Variants in ZNF429 observed in about 807,000 individuals in gnomAD.
The protein encoded by ZNF429 is zinc finger protein 429.
ZNF429 carries 53 observed loss-of-function variants against 56.8 expected under a neutral mutation model. That is an observed-to-expected ratio of 0.93 (90% CI 0.75 to 1.17). The LOEUF is 1.17. Among genes scored for constraint, ZNF429 ranks in the 50% most tolerant of loss-of-function variants. The probability of loss-of-function intolerance (pLI) is 0.00; values close to 1 mark genes in which losing one functional copy is unlikely to be tolerated. For synonymous variants in ZNF429, 278 were observed against 264.7 expected (o/e 1.05, Z -0.49); for missense variants, 849 against 788.4 (o/e 1.08, Z -0.92).
At chr19:21,531,129 AC>A in intron 3 of ZNF429, among the ~76,000 whole-genome samples, 6 of 94,594 alleles carry the variant, frequency 6.3e-5, no homozygotes, top group Non-Finnish European at 1.4e-4. Context: ...AAAAAAAAAA[AC>A]CAAAAAAAAA....
At chr19:21,517,827 T>C (rs934158718) in intron 1 of ZNF429, among the ~76,000 whole-genome samples, 1 of 149,854 alleles carries the variant, frequency 6.7e-6, no homozygotes, top group Non-Finnish European at 1.5e-5. Flanking sequence ...GGAGTCTTGC[T>C]CTGTCACCCA....
At chr19:21,520,563 G>A (rs1475387254) in intron 1 of ZNF429, among the ~76,000 whole-genome samples, 1 of 152,038 alleles carries the variant, frequency 6.6e-6, no homozygotes, top group Non-Finnish European at 1.5e-5. Flanking sequence ...TTTGCTTTGG[G>A]AAAGGTTTTA....
intron 1 of ZNF429, among the ~76,000 whole-genome samples, chr19:21,510,501 G>A (rs1465267587): frequency 1.3e-5 from 2 of 152,154 alleles, no homozygotes; most frequent in African/African-American, 4.8e-5. Context: ...GAAAATAGAG[G>A]AATAAAACAA....
chr19:21,530,276 A>G, intron 2 of ZNF429, among the ~76,000 whole-genome samples: 20 of 151,976 alleles, frequency 1.3e-4, no homozygotes, highest in African/African-American at 4.6e-4. Flanking sequence ...AACTTTCCAT[A>G]TTCCTGAGCT....
intron 3 of ZNF429, 113 bp downstream of exon 3, chr19:21,530,797 T>G: frequency 1.2e-6 from 1 of 840,928 alleles, no homozygotes; most frequent in African/African-American, 1.8e-5. Context: ...AAATATTTTC[T>G]GAAAAACTGT....
chr19:21,515,377 C>T (rs2032692460), intron 1 of ZNF429, among the ~76,000 whole-genome samples: 1 of 151,866 alleles, frequency 6.6e-6, no homozygotes, highest in Admixed American at 6.6e-5. Flanking sequence ...TTGTTAGCCA[C>T]ATGTATATCT....
At chr19:21,514,563 T>A (rs1212125960) in intron 1 of ZNF429, among the ~76,000 whole-genome samples, 1 of 152,178 alleles carries the variant, frequency 6.6e-6, no homozygotes, top group African/African-American at 2.4e-5. Flanking sequence ...TTATATACCA[T>A]GTATATTTTA....
Position 21,535,419 on chromosome 19 carries a change from TCTTTCTTTCTTTCTTTC to T in ZNF429, c.227-860_227-844del. On this transcript the variant is annotated intron_variant, in intron 3 of 3. Transcript: ENST00000358491. The stretch of plus-strand genomic sequence containing the variant: ...TTTCTTTCTTTCTTTTTCTTTTCTT[TCTTTCTTTCTTTCTTTC>T]TTTCTTTCTTTCTTTCTTTCTTTCT... Among the ~76,000 whole-genome samples the T allele has an allele frequency of 3.0e-3, 10 of 3,330 alleles. 1 individual carries two copies. The highest frequency in any genetic ancestry group is 4.1e-3 in the Non-Finnish European group (7 of 1,716). The allele number at this position is 3,330 out of a possible 152,430, so 2.2% of individuals were successfully genotyped here. A position where few individuals can be genotyped will look rare whatever the true frequency, so the allele number is the denominator to read the frequency against.
chr19:21,530,714 C>T, intron 3 of ZNF429, 30 bp downstream of exon 3: 2 of 1,523,534 alleles, frequency 1.3e-6, no homozygotes, highest in South Asian at 1.2e-5. Flanking sequence ...ACAGACAACA[C>T]AGATGAGAGG....
chr19:21,505,684 T>C lies in ZNF429; in HGVS notation c.-88T>C. 1 of 1,454,514 alleles carries C rather than the reference T, an allele frequency of 6.9e-7. No individual in the cohort carries two copies. The highest frequency in any genetic ancestry group is 9.5e-7 in the Non-Finnish European group (1 of 1,053,958). 90.1% of individuals were successfully genotyped at this position (1,454,514 alleles called of 1,614,324 possible). On this transcript the variant is annotated 5_prime_UTR_variant, in exon 1 of 4. Transcript: ENST00000358491. ...TCGTCTTCATTTCTGTGTCCTTTGT[T>C]CTTAGAGGCCCAGCCTGTGTGGCCC...
intron 1 of ZNF429, 46 bp downstream of exon 1, chr19:21,505,820 T>A (rs1234619161): frequency 1.2e-6 from 2 of 1,604,762 alleles, no homozygotes; most frequent in Non-Finnish European, 1.7e-6. Context: ...GAGGGGCTGG[T>A]CGGAACCGTG....
At chr19:21,535,456 C>T in intron 3 of ZNF429, among the ~76,000 whole-genome samples, 1 of 56,382 alleles carries the variant, frequency 1.8e-5, no homozygotes, top group Non-Finnish European at 3.5e-5. Context: ...TTCTTTCTTT[C>T]TTTCTTTCTT....
intron 1 of ZNF429, among the ~76,000 whole-genome samples, chr19:21,510,132 G>A (rs1233012427): frequency 6.6e-6 from 1 of 152,020 alleles, no homozygotes; most frequent in Non-Finnish European, 1.5e-5. Flanking sequence ...TGGTCTCGAA[G>A]TCCTTACCTC....
rs527402109 is a variant in ZNF429, at chr19:21,538,061, C to T, written c.2008C>T (p.Arg670Ter). The T allele has an allele frequency of 4.1e-5, 55 of 1,349,508 alleles. No individual in the cohort carries two copies. The East Asian group carries it at 4.9e-4, about 12-fold the overall frequency. 83.6% of individuals were successfully genotyped at this position (1,349,508 alleles called of 1,614,324 possible). Residue 670 changes from arginine to a stop codon, truncating the protein, a stop_gained, in exon 4 of 4, where the codon CGA becomes TGA. Transcript: ENST00000358491. LOFTEE classifies it high-confidence loss of function. Reference sequence around the variant, plus strand: ...TGGGCGGATCACGAGGTCAGGAGATCGAGACCGTCCTGGCTAACATGGTGA... The same window carrying T: ...TGGGCGGATCACGAGGTCAGGAGATTGAGACCGTCCTGGCTAACATGGTGA... The part of the protein sequence containing the change: ...RGGRITRSGD[R>*]DRPG
chr19:21,536,240 C>G, intron 3 of ZNF429, 40 bp from the exon 4 acceptor site: 1 of 1,521,824 alleles, frequency 6.6e-7, no homozygotes. Context: ...ATATCTGAGT[C>G]TAGTAAGTGA....
intron 2 of ZNF429, 52 bp downstream of exon 2, chr19:21,529,836 C>T: frequency 1.7e-6 from 2 of 1,163,140 alleles, no homozygotes; most frequent in East Asian, 6.1e-5. Flanking sequence ...TGTTTCATTT[C>T]TCCTCTTTGT....
chr19:21,531,252 C>A, intron 3 of ZNF429, among the ~76,000 whole-genome samples: 3 of 151,826 alleles, frequency 2.0e-5, no homozygotes, highest in Admixed American at 6.6e-5. Flanking sequence ...AACAAGCCAA[C>A]TAAAGGTGGA....
At chr19:21,532,079 G>A in intron 3 of ZNF429, among the ~76,000 whole-genome samples, 1 of 145,984 alleles carries the variant, frequency 6.9e-6, no homozygotes, top group African/African-American at 2.5e-5. Context: ...ATTTAACCAA[G>A]GAGGTAAAAA....
Position 21,537,088 on chromosome 19 carries a change from A to C in ZNF429, c.1035A>C (p.Glu345Asp). The change falls in exon 4 of 4, where the codon GAA becomes GAC. Residue 345 changes from glutamate (E) to aspartate (D), a missense_variant. Coordinates refer to ENST00000358491, the MANE Select transcript of ZNF429 (RefSeq NM_001001415.4). ...GTGAGAAACCCTACAAATGTGAAGA[A>C]TGTGGCAAAGCCTTTAACTGGTCTT... ...HTGEKPYKCE[E>D]CGKAFNWSST... 6.2e-7 allele frequency: 1 copy of C among 1,614,036 alleles called. No homozygotes were observed. The highest frequency in any genetic ancestry group is 1.7e-4 in the Middle Eastern group (1 of 6,060).
Sources: gnomAD v4.1 joint callset for allele counts (sites outside exome capture counted in the v4.1 genomes callset) on GRCh38, gnomAD v4.1.1 for gene constraint, MANE v1.5 for transcripts, NCBI Gene and HGNC (gene_info 2026-07-23, HGNC 2026-07-21) for gene names.